ZNF831: variants seen among roughly 807,000 people sequenced by gnomAD.
ZNF831 encodes chromosome 20 open reading frame 174.
Under a neutral mutation model 95.8 loss-of-function variants are expected in ZNF831, and 59 were observed. The ratio of observed to expected loss-of-function variants is 0.62; its 90% CI spans 0.50 to 0.77. The LOEUF is 0.77. Ranked by LOEUF, ZNF831 falls within the 30% of genes least tolerant of loss-of-function variation. ZNF831 has a pLI of 0.00. For synonymous variants in ZNF831, 961 were observed against 925.5 expected, an observed-to-expected ratio of 1.04 and a Z score of -0.70; for missense variants, 2,205 against 2,164.0, an observed-to-expected ratio of 1.02 and a Z score of -0.38.
intron 4 of ZNF831, among the ~76,000 whole-genome samples, chr20:59,224,693 A>C (rs1986321196): frequency 6.6e-6 from 1 of 152,234 alleles, no homozygotes; most frequent in African/African-American, 2.4e-5. Flanking sequence ...TGAACAGAGA[A>C]GGTTTAATAG....
At position 59,257,283 on chromosome 20, in the gene ZNF831, A is replaced by G. The variant is rs138728322; in HGVS notation, c.*2540A>G. 6.6e-6 allele frequency: 1 copy of G among 152,206 alleles called. No individual in the cohort carries two copies. The highest frequency in any genetic ancestry group is 1.9e-4 in the East Asian group (1 of 5,198). 9.4% of individuals were successfully genotyped at this position (152,206 alleles called of 1,614,324 possible). On this transcript the variant is annotated 3_prime_UTR_variant, in exon 6 of 6. Coordinates refer to ENST00000371030, the MANE Select transcript of ZNF831 (RefSeq NM_178457.3). ...AGTGGCTGGCAATGTTTACAAGTGT[A>G]CCTTACTTTATATCAACATGAATTT...
intron 1 of ZNF831, among the ~76,000 whole-genome samples, chr20:59,139,820 C>T (rs896440385): frequency 7.2e-5 from 11 of 152,112 alleles, no homozygotes; most frequent in African/African-American, 1.7e-4. Flanking sequence ...AATCAGTGCT[C>T]GTGGATGAAT....
chr20:59,148,497 C>T (rs996264274), intron 2 of ZNF831, among the ~76,000 whole-genome samples: 14 of 119,276 alleles, frequency 1.2e-4, no homozygotes, highest in East Asian at 5.9e-4. Flanking sequence ...CTGGCTAACA[C>T]GGTGAAACCC....
At chr20:59,130,428 A>G (rs1454069453) in intron 1 of ZNF831, among the ~76,000 whole-genome samples, 3 of 152,160 alleles carry the variant, frequency 2.0e-5, no homozygotes. Context: ...CCGGCCTGGC[A>G]CTCTGAGCAA....
At chr20:59,247,129 G>T (rs1293620291) in intron 4 of ZNF831, among the ~76,000 whole-genome samples, 1 of 152,194 alleles carries the variant, frequency 6.6e-6, no homozygotes, top group Non-Finnish European at 1.5e-5. Flanking sequence ...GAGACTTAAA[G>T]AAAATTGGTT....
chr20:59,146,193 C>T (rs1404184995), intron 1 of ZNF831: 1 of 151,914 alleles, frequency 6.6e-6, no homozygotes, highest in African/African-American at 2.4e-5. Context: ...CACCCACCAC[C>T]CTCCACACAC....
intron 3 of ZNF831, 114 bp downstream of exon 3, chr20:59,196,119 G>C: frequency 7.1e-7 from 1 of 1,404,728 alleles, no homozygotes; most frequent in Non-Finnish European, 9.6e-7. Context: ...CTAGGGTTTA[G>C]AGCTTCATGA....
chr20:59,231,964 A>C (rs181223619), intron 4 of ZNF831, among the ~76,000 whole-genome samples: 1 of 152,338 alleles, frequency 6.6e-6, no homozygotes, highest in East Asian at 1.9e-4. Flanking sequence ...GATTGTCACC[A>C]CTGCATGAAG....
upstream of ZNF831, among the ~76,000 whole-genome samples, chr20:59,158,897 G>A (rs769687267): frequency 6.6e-5 from 10 of 152,082 alleles, no homozygotes; most frequent in Non-Finnish European, 1.0e-4. Flanking sequence ...ACTAAGAAAC[G>A]CAGGTGGGTA....
rs750421316 is a variant in ZNF831 at position 59,194,570 on chromosome 20, C to G, written c.3551C>G (p.Thr1184Arg). The G allele has an allele frequency of 6.2e-7, 1 of 1,607,764 alleles. No homozygotes were observed. Among genetic ancestry groups the G allele is most frequent in the Non-Finnish European group, 8.5e-7 (1 of 1,176,586 alleles). ...FPSLKAEPRLTWCCLSRSVPL... is the reference protein window; with the variant it reads ...FPSLKAEPRLRWCCLSRSVPL... The stretch of plus-strand genomic sequence containing the variant: ...TCACTGAAGGCTGAGCCGCGGCTCA[C>G]GTGGTGTTGCCTGAGCCGCAGTGTC... The change falls in exon 2 of 6, where the codon ACG (threonine) becomes AGG (arginine). Residue 1184 changes from threonine to arginine, a missense_variant. Coordinates refer to ENST00000371030, the MANE Select transcript of ZNF831 (RefSeq NM_178457.3).
intron 1 of ZNF831, among the ~76,000 whole-genome samples, chr20:59,175,230 G>C (rs974780648): frequency 6.6e-6 from 1 of 151,012 alleles, no homozygotes; most frequent in African/African-American, 2.4e-5. Context: ...CCTGGTGGTG[G>C]GGGTGGGGGT....
intron 4 of ZNF831, among the ~76,000 whole-genome samples, chr20:59,235,100 G>A (rs1300954766): frequency 6.6e-6 from 1 of 152,036 alleles, no homozygotes; most frequent in East Asian, 1.9e-4. Context: ...GGACTGGTCA[G>A]GTGCCTTGTA....
chr20:59,194,891 G>A, intron 2 of ZNF831, 134 bp downstream of exon 2: 1 of 1,297,744 alleles, frequency 7.7e-7, no homozygotes, highest in Non-Finnish European at 1.0e-6. Flanking sequence ...GTTCCTGAGG[G>A]AGGCTGGGGA....
chr20:59,124,439 T>A (rs1979103017), intron 1 of ZNF831, among the ~76,000 whole-genome samples: 1 of 152,230 alleles, frequency 6.6e-6, no homozygotes, highest in Non-Finnish European at 1.5e-5. Context: ...ATTCACCATC[T>A]GTCTCAGGGT....
At chr20:59,174,112 T>C (rs1981955300) in intron 1 of ZNF831, among the ~76,000 whole-genome samples, 1 of 152,114 alleles carries the variant, frequency 6.6e-6, no homozygotes, top group Non-Finnish European at 1.5e-5. Context: ...TCTGGGAGCC[T>C]GGGCACAGCA....
chr20:59,219,272 A>G (rs1985917741), intron 4 of ZNF831, among the ~76,000 whole-genome samples: 1 of 152,062 alleles, frequency 6.6e-6, no homozygotes, highest in Non-Finnish European at 1.5e-5. Context: ...GGACCAAGAC[A>G]CCTTTGTGAG....
intron 2 of ZNF831, among the ~76,000 whole-genome samples, chr20:59,155,703 G>A (rs936179723): frequency 6.6e-6 from 1 of 152,174 alleles, no homozygotes; most frequent in Admixed American, 6.5e-5. Flanking sequence ...ACCGTATTGT[G>A]ATGTGGCTGC....
intron 4 of ZNF831, among the ~76,000 whole-genome samples, chr20:59,249,097 A>G (rs181410826): frequency 6.6e-6 from 1 of 151,904 alleles, no homozygotes; most frequent in Non-Finnish European, 1.5e-5. Flanking sequence ...TTTCCCCTTT[A>G]AGGTCTCTGT....
rs1398648747 is a variant in ZNF831, at chr20:59,174,764, A to G, written c.-37+10557A>G. On this transcript the variant is annotated intron_variant, in intron 1 of 5. Coordinates refer to ENST00000371030, the MANE Select transcript of ZNF831 (RefSeq NM_178457.3). ...AAACAAAAAACAAAACAAACAAAAA[A>G]ACACCCCAAAACAAAAAAGAAAAAC... 2.6e-5 allele frequency among the ~76,000 whole-genome samples: 4 copies of G among 152,218 alleles called. No homozygotes were observed. The East Asian group carries it at 7.7e-4, about 29-fold the overall frequency.
Sources: gnomAD v4.1 joint callset for allele counts (sites outside exome capture counted in the v4.1 genomes callset) on GRCh38, gnomAD v4.1.1 for gene constraint, MANE v1.5 for transcripts, NCBI Gene and HGNC (gene_info 2026-07-23, HGNC 2026-07-21) for gene names.